PRKG1: variants seen among roughly 807,000 people sequenced by gnomAD.
PRKG1 encodes the protein cGMP-dependent protein kinase 1.
A neutral mutation model predicts 88.1 loss-of-function variants in PRKG1; 35 were observed. That is an observed-to-expected ratio of 0.40 (90% CI 0.30 to 0.53). The LOEUF (loss-of-function observed/expected upper bound fraction) is 0.53. PRKG1 is among the 20% of genes least tolerant of loss of function. The pLI is 0.59. For missense variants in PRKG1, 540 were observed against 839.8 expected, an observed-to-expected ratio of 0.64 and a Z score of 4.41; for synonymous variants, 303 against 292.5, an observed-to-expected ratio of 1.04 and a Z score of -0.37.
At chr10:51,265,957 C>T (rs1839825645) in intron 2 of PRKG1, among the ~76,000 whole-genome samples, 1 of 152,168 alleles carries the variant, frequency 6.6e-6, no homozygotes, top group Non-Finnish European at 1.5e-5. Context: ...AACTTCAGCA[C>T]ACATCAGAGT....
chr10:52,241,293 CA>C (rs1310687252), intron 9 of PRKG1, among the ~76,000 whole-genome samples: 1 of 152,048 alleles, frequency 6.6e-6, no homozygotes, highest in African/African-American at 2.4e-5. Context: ...GATTGAGTAG[CA>C]AAAAGAGAAA....
intron 4 of PRKG1, among the ~76,000 whole-genome samples, chr10:51,872,693 G>A (rs1841189743): frequency 6.6e-6 from 1 of 151,980 alleles, no homozygotes; most frequent in Non-Finnish European, 1.5e-5. Flanking sequence ...TTATTTATAA[G>A]CAAGTAGCAT....
rs559573932 is a variant in PRKG1 at position 51,000,634 on chromosome 10, A to G, written c.266+8990A>G. ...TGGTAGAGAAGTGAATTTATTTTAT[A>G]GTTATAGATATTTTAATAAGTGTTG... is the stretch of plus-strand genomic sequence containing the variant. On this transcript the variant is annotated intron_variant, in intron 1 of 17. Coordinates refer to the PRKG1 transcript ENST00000401604. 3.6e-4 allele frequency among the ~76,000 whole-genome samples: 55 copies of G among 152,342 alleles called. 1 individual carries two copies. In the East Asian group the frequency reaches 0.01, roughly 28 times the overall value.
intron 1 of PRKG1, among the ~76,000 whole-genome samples, chr10:51,075,601 T>C (rs1317543295): frequency 6.6e-6 from 1 of 152,262 alleles, no homozygotes; most frequent in Non-Finnish European, 1.5e-5. Context: ...ATAATGTTAC[T>C]AATGGAGCAT....
At chr10:51,660,285 G>A (rs1433431713) in intron 3 of PRKG1, among the ~76,000 whole-genome samples, 3 of 151,738 alleles carry the variant, frequency 2.0e-5, no homozygotes, top group African/African-American at 4.8e-5. Flanking sequence ...CATCACCACC[G>A]GCAGCACCGC....
At chr10:51,327,524 C>T (rs898252874) in intron 2 of PRKG1, among the ~76,000 whole-genome samples, 13 of 151,932 alleles carry the variant, frequency 8.6e-5, no homozygotes, top group Non-Finnish European at 1.3e-4. Flanking sequence ...TAAAATTGCA[C>T]GTACAGACAT....
rs532124071 is a variant in PRKG1, at chr10:52,118,248, G to T, written c.936-15592G>T. 6.6e-5 allele frequency among the ~76,000 whole-genome samples: 10 copies of T among 152,026 alleles called. 1 individual carries two copies. The South Asian group carries it at 1.5e-3, about 22-fold the overall frequency. On this transcript the variant is annotated intron_variant, in intron 7 of 17. Coordinates refer to ENST00000373980, the MANE Select transcript of PRKG1 (RefSeq NM_006258.4). Reference sequence around the variant, plus strand: ...AAAGGATGTTTCTCTTTCCTTGTCTGTGAACTGACTGTTCATGTCTTTTTC... The same window carrying T: ...AAAGGATGTTTCTCTTTCCTTGTCTTTGAACTGACTGTTCATGTCTTTTTC...
chr10:51,504,783 G>T (rs1183860986), intron 3 of PRKG1, among the ~76,000 whole-genome samples: 1 of 152,088 alleles, frequency 6.6e-6, no homozygotes, highest in Non-Finnish European at 1.5e-5. Context: ...GTCTGTTATT[G>T]ATGTATAAGA....
chr10:52,127,044 C>T (rs947189505), intron 7 of PRKG1, among the ~76,000 whole-genome samples: 1 of 151,946 alleles, frequency 6.6e-6, no homozygotes, highest in Admixed American at 6.6e-5. Context: ...GAGGGGATCA[C>T]TTAGGAGGCC....
chr10:51,797,570 A>T (rs1249612212), intron 3 of PRKG1, among the ~76,000 whole-genome samples: 1 of 147,082 alleles, frequency 6.8e-6, no homozygotes, highest in Non-Finnish European at 1.5e-5. Flanking sequence ...TTATTATATT[A>T]TTTTATGTTA....
chr10:52,042,248 G>C (rs1464534789), intron 5 of PRKG1, among the ~76,000 whole-genome samples: 1 of 152,042 alleles, frequency 6.6e-6, no homozygotes, highest in Admixed American at 6.6e-5. Flanking sequence ...ATGGAACCAT[G>C]GAAGACCCTG....
At chr10:51,699,612 C>G in intron 3 of PRKG1, 3 of 1,530,772 alleles carry the variant, frequency 2.0e-6, no homozygotes, top group Non-Finnish European at 2.6e-6. Context: ...TTGCGACCGA[C>G]ACTTCCGCTG....
intron 7 of PRKG1, among the ~76,000 whole-genome samples, chr10:52,119,734 A>G (rs1259485677): frequency 6.6e-6 from 1 of 152,228 alleles, no homozygotes; most frequent in Admixed American, 6.5e-5. Context: ...TTGTGCTGCT[A>G]TAAGTGAATA....
intron 2 of PRKG1, among the ~76,000 whole-genome samples, chr10:51,168,528 G>A (rs7099483): frequency 0.018 from 2,784 of 152,068 alleles, 83 homozygotes; most frequent in African/African-American, 0.061. Context: ...AGTAACCCAC[G>A]TAATCAAAAG....
chr10:51,648,185 A>G (rs1202098304), intron 3 of PRKG1, among the ~76,000 whole-genome samples: 2 of 152,170 alleles, frequency 1.3e-5, no homozygotes, highest in Non-Finnish European at 2.9e-5. Context: ...CTAATTTCAG[A>G]AACTTTGAAG....
At chr10:51,163,729 C>T (rs1846437475) in intron 2 of PRKG1, among the ~76,000 whole-genome samples, 1 of 152,226 alleles carries the variant, frequency 6.6e-6, no homozygotes, top group African/African-American at 2.4e-5. Context: ...AAAAACGGCG[C>T]ACCAGGAGAT....
At chr10:51,698,126 A>C (rs1280926790) in intron 3 of PRKG1, 1 of 1,613,894 alleles carries the variant, frequency 6.2e-7, no homozygotes, top group South Asian at 1.1e-5. Flanking sequence ...AGGACCCTGA[A>C]TTCCACCAGT....
chr10:51,698,072 C>A (rs779350917), intron 3 of PRKG1: 1 of 1,614,108 alleles, frequency 6.2e-7, no homozygotes, highest in South Asian at 1.1e-5. Flanking sequence ...TGGGACCTGT[C>A]TGGGTCCCTG....
chr10:51,670,550 A>C (rs928051889), intron 3 of PRKG1, among the ~76,000 whole-genome samples: 1 of 149,518 alleles, frequency 6.7e-6, no homozygotes, highest in Non-Finnish European at 1.5e-5. Context: ...TCCCGGCTAA[A>C]ACGGTGAAAC....
Sources: gnomAD v4.1 joint callset for allele counts (sites outside exome capture counted in the v4.1 genomes callset) on GRCh38, gnomAD v4.1.1 for gene constraint, MANE v1.5 for transcripts, NCBI Gene and HGNC (gene_info 2026-07-23, HGNC 2026-07-21) for gene names.